Variants in TSHZ2 observed in about 807,000 individuals in gnomAD.
TSHZ2 encodes the protein teashirt homolog 2.
A neutral mutation model predicts 74.4 loss-of-function variants in TSHZ2; 21 were observed. That is an observed-to-expected ratio of 0.28 (90% confidence interval 0.20 to 0.41). The LOEUF (loss-of-function observed/expected upper bound fraction) is 0.41, where lower values mean the gene tolerates loss of function less well. Among genes scored for constraint, TSHZ2 ranks in the 10% least tolerant of loss-of-function variants. The probability of loss-of-function intolerance (pLI) is 1.00; values close to 1 mark genes in which losing one functional copy is unlikely to be tolerated. For synonymous variants in TSHZ2, 540 were observed against 515.3 expected (o/e 1.05, Z -0.65); for missense variants, 1,244 against 1,293.5 (o/e 0.96, Z 0.59).
At chr20:53,012,575 G>A (rs1982890544) in intron 1 of TSHZ2, among the ~76,000 whole-genome samples, 1 of 152,024 alleles carries the variant, frequency 6.6e-6, no homozygotes, top group Non-Finnish European at 1.5e-5. Context: ...ACATTCCCTT[G>A]GTTTGGGAAG....
chr20:53,133,792 A>AT (rs1221652057), intron 1 of TSHZ2, among the ~76,000 whole-genome samples: 1 of 151,736 alleles, frequency 6.6e-6, no homozygotes, highest in Non-Finnish European at 1.5e-5. Flanking sequence ...TGTGTTCTTG[A>AT]TTTTTTCTTA....
intron 2 of TSHZ2, among the ~76,000 whole-genome samples, chr20:53,435,660 C>A (rs930574463): frequency 3.3e-5 from 5 of 152,102 alleles, no homozygotes; most frequent in Non-Finnish European, 7.3e-5. Flanking sequence ...ATTACAGGCG[C>A]GTGTCACCAC....
chr20:53,054,567 A>G (rs1011981504), intron 1 of TSHZ2, among the ~76,000 whole-genome samples: 1 of 152,222 alleles, frequency 6.6e-6, no homozygotes, highest in Admixed American at 6.5e-5. Flanking sequence ...CTGAAACCTC[A>G]CATGCCCACA....
rs111932988 is a variant in TSHZ2, at chr20:53,250,807, G to A, written c.41-2692G>A. On this transcript the variant is annotated intron_variant, in intron 1 of 2. Transcript: ENST00000371497. ...GTAGATTGTGAGGTTGAGCTGGTCC[G>A]GAAAGCTCTGCTTCCAAATGTCAGT... 5.4e-3 allele frequency among the ~76,000 whole-genome samples: 817 copies of A among 150,930 alleles called. 10 individuals carry two copies. The highest frequency in any genetic ancestry group is 0.018 in the African/African-American group (748 of 41,080).
chr20:53,338,351 A>T (rs1428476462), intron 2 of TSHZ2, among the ~76,000 whole-genome samples: 1 of 152,224 alleles, frequency 6.6e-6, no homozygotes, highest in African/African-American at 2.4e-5. Flanking sequence ...GGTGAAGCCC[A>T]TTCGCCTCTC....
Position 53,038,904 on chromosome 20 carries a change from G to GT in TSHZ2, c.40+65574dup, listed in dbSNP as rs746921607. On this transcript the variant is annotated intron_variant, in intron 1 of 2. Transcript: ENST00000371497. ...TTTTGTTTTGTTTGTTTGTTTGTTTGTTTGTTTTTGAGATGGAGTTTCACT... is the reference window on the plus strand; with the variant it reads ...TTTTGTTTTGTTTGTTTGTTTGTTTGTTTTGTTTTTGAGATGGAGTTTCACT... 2.5e-4 allele frequency among the ~76,000 whole-genome samples: 35 copies of GT among 139,110 alleles called. 1 individual carries two copies. The highest frequency in any genetic ancestry group is 1.1e-3 in the African/African-American group (34 of 31,592). The allele number at this position is 139,110 out of a possible 152,430, so 91.3% of individuals were successfully genotyped here. A position where few individuals can be genotyped will look rare whatever the true frequency, so the allele number is the denominator to read the frequency against.
At chr20:53,226,149 CACACACACACAT>C (rs962940135) in intron 1 of TSHZ2, among the ~76,000 whole-genome samples, 2 of 113,096 alleles carry the variant, frequency 1.8e-5, no homozygotes, top group African/African-American at 7.4e-5. Context: ...CACACACACA[CACACACACACAT>C]GCACACAAAC....
At chr20:53,422,334 C>T (rs1347725625) in intron 2 of TSHZ2, among the ~76,000 whole-genome samples, 1 of 152,150 alleles carries the variant, frequency 6.6e-6, no homozygotes. Context: ...CAAACTCCTC[C>T]TCTTGTCACT....
chr20:53,146,078 C>G (rs553553422), intron 1 of TSHZ2, among the ~76,000 whole-genome samples: 1 of 152,006 alleles, frequency 6.6e-6, no homozygotes, highest in African/African-American at 2.4e-5. Context: ...AGGGAAATAG[C>G]CTGTGCTGAG....
At chr20:53,263,118 G>T (rs955474858) in intron 2 of TSHZ2, among the ~76,000 whole-genome samples, 2 of 152,166 alleles carry the variant, frequency 1.3e-5, no homozygotes, top group Non-Finnish European at 2.9e-5. Context: ...TTTCCATGGG[G>T]CTGATTCTAT....
At chr20:53,401,511 A>T (rs950343647) in intron 2 of TSHZ2, among the ~76,000 whole-genome samples, 2 of 151,964 alleles carry the variant, frequency 1.3e-5, no homozygotes, top group African/African-American at 4.8e-5. Context: ...AGTGTACACT[A>T]TACACAATGT....
At chr20:53,310,445 A>G (rs763084340) in intron 2 of TSHZ2, among the ~76,000 whole-genome samples, 4 of 152,162 alleles carry the variant, frequency 2.6e-5, no homozygotes, top group African/African-American at 9.7e-5. Context: ...TTTAAACAAC[A>G]TGTTTATTAT....
At chr20:53,142,189 T>C (rs377165933) in intron 1 of TSHZ2, among the ~76,000 whole-genome samples, 36 of 152,028 alleles carry the variant, frequency 2.4e-4, no homozygotes, top group East Asian at 2.3e-3. Context: ...GATTGAAGAG[T>C]ACAGGGGAAA....
At chr20:53,288,923 C>T (rs1312707012) in intron 2 of TSHZ2, among the ~76,000 whole-genome samples, 1 of 152,108 alleles carries the variant, frequency 6.6e-6, no homozygotes, top group Non-Finnish European at 1.5e-5. Flanking sequence ...ATCACCTGAG[C>T]AAAGTACATG....
In TSHZ2 at chr20:52,972,946, C is replaced by CAAA. The variant is rs560692751; in HGVS notation, c.-336_-334dup. 119 of 175,900 alleles carry CAAA rather than the reference C, an allele frequency of 6.8e-4. No homozygotes were observed. Among genetic ancestry groups the CAAA allele is most frequent in the East Asian group, 8.6e-4 (9 of 10,414 alleles). The allele number at this position is 175,900 out of a possible 1,614,324, so 10.9% of individuals were successfully genotyped here. ...AGAAATCAAGTGTCTCAACAGTCAC[C>CAAA]AAAAAAAAAAAAAACCGCAAAAACA... On this transcript the variant is annotated 5_prime_UTR_variant, in exon 1 of 3. Transcript: ENST00000371497.
chr20:53,382,611 T>C (rs923634295), intron 2 of TSHZ2, among the ~76,000 whole-genome samples: 1 of 152,214 alleles, frequency 6.6e-6, no homozygotes, highest in African/African-American at 2.4e-5. Flanking sequence ...GACATTCAAA[T>C]TGCTCTTCAC....
rs117757470 is a variant in TSHZ2 at position 53,164,179 on chromosome 20, T to C, written c.41-89320T>C. Among the ~76,000 whole-genome samples, 1,082 of 152,312 alleles carry C rather than the reference T, an allele frequency of 7.1e-3. 12 individuals are homozygous for C. The highest frequency in any genetic ancestry group is 0.011 in the Non-Finnish European group (735 of 68,016). On this transcript the variant is annotated intron_variant, in intron 1 of 2. Transcript: ENST00000371497. ...TCCTAAAATAGATTGGAATTAGTTT[T>C]AGGATTAGGAATCAGCTTGGATTAC...
intron 2 of TSHZ2, among the ~76,000 whole-genome samples, chr20:53,449,144 C>A (rs551381192): frequency 4.6e-5 from 7 of 152,242 alleles, no homozygotes; most frequent in Admixed American, 2.0e-4. Context: ...TCCAGATTAC[C>A]CTTTTAATAT....
intron 2 of TSHZ2, among the ~76,000 whole-genome samples, chr20:53,422,576 C>T (rs1486122256): frequency 6.6e-6 from 1 of 152,204 alleles, no homozygotes; most frequent in Non-Finnish European, 1.5e-5. Flanking sequence ...CCACATACAA[C>T]ACCCCAACCT....
Sources: gnomAD v4.1 joint callset for allele counts (sites outside exome capture counted in the v4.1 genomes callset) on GRCh38, gnomAD v4.1.1 for gene constraint, MANE v1.5 for transcripts, NCBI Gene and HGNC (gene_info 2026-07-23, HGNC 2026-07-21) for gene names.